DLGAP5: variants seen among roughly 807,000 people sequenced by gnomAD.
The protein encoded by DLGAP5 is DLG associated protein 5.
A neutral mutation model predicts 99.6 loss-of-function variants in DLGAP5; 90 were observed. That is an observed-to-expected ratio of 0.90 (90% CI 0.76 to 1.08). The LOEUF (loss-of-function observed/expected upper bound fraction) is 1.08. Among genes scored for constraint, DLGAP5 ranks in the 50% least tolerant of loss-of-function variants. DLGAP5 has a pLI of 0.00. For missense variants in DLGAP5, 1,036 were observed against 983.5 expected, an observed-to-expected ratio of 1.05 and a Z score of -0.71; for synonymous variants, 311 against 321.3, an observed-to-expected ratio of 0.97 and a Z score of 0.34.
rs1243541470 is a variant in DLGAP5 at position 55,177,218 on chromosome 14, G to T, written c.893C>A (p.Thr298Asn). 2.5e-6 allele frequency: 4 copies of T among 1,613,382 alleles called. No homozygotes were observed. The Admixed American group carries it at 6.7e-5, about 27-fold the overall frequency. The change falls in exon 8 of 19, where the codon ACT becomes AAT. Residue 298 changes from threonine (T) to asparagine (N), a missense_variant. Coordinates refer to ENST00000247191, the MANE Select transcript of DLGAP5 (RefSeq NM_014750.5). ...SKMENLPEIN[T>N]AKIKGKNSFA... is the part of the protein sequence containing the mutation. ...GGAATTCTTCCCTTTTATTTTTGCA[G>T]TATTTATCTCAGGTAAGTTTTCCAT...
intron 13 of DLGAP5, 39 bp downstream of exon 13, chr14:55,162,932 T>TA (rs752014944): frequency 0.13 from 112,708 of 898,886 alleles, no homozygotes; most frequent in Non-Finnish European, 0.14. Flanking sequence ...GTTCCTTAAC[T>TA]AAAAAAAAAA....
chr14:55,190,001 A>G (rs1440415124), intron 1 of DLGAP5, among the ~76,000 whole-genome samples: 1 of 152,184 alleles, frequency 6.6e-6, no homozygotes, highest in Non-Finnish European at 1.5e-5. Flanking sequence ...CTATCAGTCA[A>G]TCATTAGCAT....
At chr14:55,153,101 C>T (rs1006828214) in intron 15 of DLGAP5, among the ~76,000 whole-genome samples, 1 of 151,796 alleles carries the variant, frequency 6.6e-6, no homozygotes, top group Non-Finnish European at 1.5e-5. Flanking sequence ...TAATTTTATC[C>T]GAAAGTTCAA....
Position 55,180,678 on chromosome 14 carries a change from C to G in DLGAP5, c.681G>C (p.Lys227Asn), listed in dbSNP as rs999521804. ...CACCATTAGCAGCTCTTGTGACTGG[C>G]TTTCTTGCTGTGGTAGATGAGACTG... The part of the protein sequence containing the change: ...PRTVSSTTAR[K>N]PVTRAANENE... Residue 227 changes from lysine (K) to asparagine (N), a missense_variant, in exon 6 of 19, where the codon AAG becomes AAC. Physicochemically the swap from Lys to Asn is moderately conservative, Grantham distance 94. Transcript: ENST00000247191. 6.2e-7 allele frequency: 1 copy of G among 1,614,016 alleles called. No homozygotes were observed. Among genetic ancestry groups the G allele is most frequent in the African/African-American group, 1.3e-5 (1 of 74,910 alleles).
intron 18 of DLGAP5, among the ~76,000 whole-genome samples, chr14:55,149,822 G>A (rs978575402): frequency 1.5e-5 from 2 of 134,274 alleles, no homozygotes; most frequent in African/African-American, 5.0e-5. Context: ...GGGCGGGGGG[G>A]GGGCATCACC....
chr14:55,148,795 TAC>T lies in DLGAP5; in HGVS notation c.2419-324_2419-323del, dbSNP rs1399507384. 3.7e-5 allele frequency: 14 copies of T among 373,548 alleles called. No homozygotes were observed. In the East Asian group the frequency reaches 7.3e-4, roughly 19 times the overall value. 23.1% of individuals were successfully genotyped at this position (373,548 alleles called of 1,614,324 possible). On this transcript the variant is annotated intron_variant, in intron 18 of 18. Coordinates refer to ENST00000247191, the MANE Select transcript of DLGAP5 (RefSeq NM_014750.5). ...AGTAGATCTTATTTCAAATGTATATTACAGTTTTTTTTATTGGAAAGGTATAT... is the reference window on the plus strand; with the variant it reads ...AGTAGATCTTATTTCAAATGTATATTAGTTTTTTTTATTGGAAAGGTATAT...
rs199609358 is a variant in DLGAP5 at position 55,148,450 on chromosome 14, T to G, written c.2442A>C (p.Pro814=). Residue 814 remains proline (P), a synonymous_variant, in exon 19 of 19, where the codon CCA becomes CCC. Coordinates refer to ENST00000247191, the MANE Select transcript of DLGAP5 (RefSeq NM_014750.5). Reference sequence around the variant, plus strand: ...GATGTCTCCTCTCCAGCTGAGTAAATGGATTACTGCAGTTTAGACCTGGCT... The same window carrying G: ...GATGTCTCCTCTCCAGCTGAGTAAAGGGATTACTGCAGTTTAGACCTGGCT... ...LDSPGLNCSN[P]FTQLERRHQE... 5.9e-5 allele frequency: 96 copies of G among 1,614,010 alleles called. No individual in the cohort carries two copies. The highest frequency in any genetic ancestry group is 7.7e-5 in the Non-Finnish European group (91 of 1,180,016).
At chr14:55,148,616 G>A (rs1332419782) in intron 18 of DLGAP5, 143 bp from the exon 19 acceptor site, 1 of 1,526,310 alleles carries the variant, frequency 6.6e-7, no homozygotes, top group East Asian at 2.5e-5. Context: ...CTACTCGGGA[G>A]GCTGAGGTGG....
intron 10 of DLGAP5, among the ~76,000 whole-genome samples, chr14:55,172,403 G>A (rs1262900726): frequency 6.6e-6 from 1 of 150,998 alleles, no homozygotes; most frequent in African/African-American, 2.4e-5. Flanking sequence ...TCCCTCCACT[G>A]TATTAAGGTT....
At chr14:55,178,940 G>C (rs936263546) in intron 7 of DLGAP5, among the ~76,000 whole-genome samples, 2 of 152,028 alleles carry the variant, frequency 1.3e-5, no homozygotes, top group South Asian at 2.1e-4. Flanking sequence ...CCAACTACTC[G>C]GGAGGCTGAG....
chr14:55,151,438 C>T (rs1029026113), intron 17 of DLGAP5, among the ~76,000 whole-genome samples: 2 of 151,826 alleles, frequency 1.3e-5, no homozygotes, highest in Non-Finnish European at 2.9e-5. Context: ...GTAGGAGAAT[C>T]GCCTCAACCT....
intron 8 of DLGAP5, among the ~76,000 whole-genome samples, chr14:55,176,704 C>T (rs184510502): frequency 2.4e-3 from 367 of 152,058 alleles, no homozygotes; most frequent in African/African-American, 8.3e-3. Context: ...TTTGGCCGGG[C>T]GCGGTGGCTC....
In DLGAP5 at chr14:55,183,590, G is replaced by A. The variant is rs766704774; in HGVS notation, c.402C>T (p.Asn134=). 2 of 1,578,490 alleles carry A rather than the reference G, an allele frequency of 1.3e-6. No homozygotes were observed. The highest frequency in any genetic ancestry group is 1.4e-5 in the African/African-American group (1 of 72,368). The change falls in exon 3 of 19, where the codon AAC becomes AAT. Residue 134 remains asparagine (N), a synonymous_variant. Coordinates refer to ENST00000247191, the MANE Select transcript of DLGAP5 (RefSeq NM_014750.5). ...TTGGCTCAGCTTTCACAGCATTCTG[G>A]TTTGATAAAAGAAAACAAGGCATAT... ...RPDMPCFLLS[N]QNAVKAEPKK...
chr14:55,148,477 G>C lies in DLGAP5; in HGVS notation c.2419-4C>G, dbSNP rs1452024523. 3 of 1,613,836 alleles carry C rather than the reference G, an allele frequency of 1.9e-6. No individual in the cohort carries two copies. Among genetic ancestry groups the C allele is most frequent in the African/African-American group, 2.7e-5 (2 of 74,894 alleles). On this transcript the variant is annotated splice_polypyrimidine_tract_variant and splice_region_variant and intron_variant, in intron 18 of 18. Coordinates refer to ENST00000247191, the MANE Select transcript of DLGAP5 (RefSeq NM_014750.5). ...GATTACTGCAGTTTAGACCTGGCTG[G>C]AGAACAAATCCAGAGAAGTCAGTAA...
At chr14:55,154,573 G>T (rs1882136573) in intron 15 of DLGAP5, 44 bp downstream of exon 15, 2 of 1,476,270 alleles carry the variant, frequency 1.4e-6, no homozygotes, top group Admixed American at 1.7e-5. Flanking sequence ...ATGGTATTTA[G>T]TATCAGCAAC....
At chr14:55,154,931 A>T in intron 14 of DLGAP5, 125 bp from the exon 15 acceptor site, 1 of 784,614 alleles carries the variant, frequency 1.3e-6, no homozygotes, top group Non-Finnish European at 2.0e-6. Context: ...GTTAAAGACA[A>T]ATGCCTGGGA....
At chr14:55,152,857 A>G (rs994488270) in intron 15 of DLGAP5, among the ~76,000 whole-genome samples, 9 of 152,336 alleles carry the variant, frequency 5.9e-5, no homozygotes, top group Admixed American at 3.3e-4. Context: ...CTTCCCCAGA[A>G]AGCTCACAAG....
intron 3 of DLGAP5, 107 bp downstream of exon 3, chr14:55,183,453 C>T (rs1883335252): frequency 7.5e-6 from 7 of 938,778 alleles, no homozygotes; most frequent in Non-Finnish European, 1.0e-5. Context: ...CCACCTTCTA[C>T]CAACCAGTTA....
chr14:55,180,842 C>T, intron 5 of DLGAP5, 64 bp from the exon 6 acceptor site: 1 of 1,556,506 alleles, frequency 6.4e-7, no homozygotes, highest in Non-Finnish European at 8.6e-7. Flanking sequence ...TGCTGTGAAG[C>T]CAGGCATGGT....
Sources: gnomAD v4.1 joint callset for allele counts (sites outside exome capture counted in the v4.1 genomes callset) on GRCh38, gnomAD v4.1.1 for gene constraint, MANE v1.5 for transcripts, NCBI Gene and HGNC (gene_info 2026-07-23, HGNC 2026-07-21) for gene names.